The following FBLN1 variants were observed in gnomAD, a reference collection of about 807,000 sequenced individuals.
FBLN1 encodes fibulin 1, also known as fibulin-1.
Under a neutral mutation model 89.7 loss-of-function variants are expected in FBLN1, and 34 were observed. That is an observed-to-expected ratio of 0.38 (90% confidence interval 0.29 to 0.50). FBLN1 has a LOEUF of 0.50. FBLN1 is among the 20% of genes least tolerant of loss of function. The pLI is 0.92. For missense variants in FBLN1, 777 were observed against 988.1 expected, an observed-to-expected ratio of 0.79 and a Z score of 2.86; for synonymous variants, 393 against 391.3, an observed-to-expected ratio of 1.00 and a Z score of -0.05.
chr22:45,535,295 T>G lies in FBLN1; in HGVS notation c.880T>G (p.Cys294Gly). Residue 294 changes from cysteine to glycine, a missense_variant, in exon 8 of 17, where the codon TGC becomes GGC. Cys to Gly is a radical substitution (Grantham distance 159, BLOSUM62 -3). Coordinates refer to ENST00000327858, the MANE Select transcript of FBLN1 (RefSeq NM_006486.3). ...CTTCCGCTGCCGACCCAAGCTACAGTGCAAGAGTGGCTTTATACAAGATGC... is the reference window on the plus strand; with the variant it reads ...CTTCCGCTGCCGACCCAAGCTACAGGGCAAGAGTGGCTTTATACAAGATGC... ...GSFRCRPKLQ[C>G]KSGFIQDALG... 1 of 1,614,126 alleles carries G rather than the reference T, an allele frequency of 6.2e-7. No individual in the cohort carries two copies. The highest frequency in any genetic ancestry group is 8.5e-7 in the Non-Finnish European group (1 of 1,179,974).
chr22:45,534,028 T>A, intron 7 of FBLN1, 130 bp downstream of exon 7: 1 of 1,270,940 alleles, frequency 7.9e-7, no homozygotes, highest in Non-Finnish European at 1.1e-6. Context: ...GACTGCCTGC[T>A]CATCTGCAGG....
At chr22:45,587,431 G>A (rs554320900) in intron 16 of FBLN1, among the ~76,000 whole-genome samples, 2 of 150,484 alleles carry the variant, frequency 1.3e-5, no homozygotes, top group African/African-American at 4.9e-5. Context: ...ATCCATCCCC[G>A]CTGCCCGGCC....
chr22:45,591,216 C>T (rs1165702922), intron 16 of FBLN1, among the ~76,000 whole-genome samples: 3 of 152,170 alleles, frequency 2.0e-5, no homozygotes, highest in African/African-American at 4.8e-5. Context: ...CAGCAACTCA[C>T]GTAACCACAC....
rs1393415106 is a variant in FBLN1, at chr22:45,577,617, C to T, written c.1972+509C>T. ...TGGCCTTGAGCAGTAGTCGTCCCCT[C>T]CCTACGCATCAGTTGGTAAGAGGAC... On this transcript the variant is annotated intron_variant, in intron 16 of 16. Coordinates refer to ENST00000327858, the MANE Select transcript of FBLN1 (RefSeq NM_006486.3). The surrounding 1 kb of genome is among the most constrained non-coding windows in gnomAD (Gnocchi z 6.6). 6.6e-6 allele frequency among the ~76,000 whole-genome samples: 1 copy of T among 152,230 alleles called. No homozygotes were observed. Among genetic ancestry groups the T allele is most frequent in the Admixed American group, 6.5e-5 (1 of 15,290 alleles).
chr22:45,577,141 C>T lies in FBLN1; in HGVS notation c.1972+33C>T. The T allele has an allele frequency of 6.2e-7, 1 of 1,612,154 alleles. No individual in the cohort carries two copies. The highest frequency in any genetic ancestry group is 8.5e-7 in the Non-Finnish European group (1 of 1,179,236). On this transcript the variant is annotated intron_variant, in intron 16 of 16. Transcript: ENST00000327858. The surrounding 1 kb of genome is among the most constrained non-coding windows in gnomAD (Gnocchi z 6.6). ...GCTGGGAATATCAGCTCTATCCAGG[C>T]ACCCCTCCCCCTCCACCCCGAAACC...
chr22:45,534,990 G>T (rs992222212), intron 7 of FBLN1, among the ~76,000 whole-genome samples: 1 of 152,088 alleles, frequency 6.6e-6, no homozygotes, highest in Non-Finnish European at 1.5e-5. Flanking sequence ...AAGAGCCTTG[G>T]GAAAAAAAGT....
Position 45,549,942 on chromosome 22 carries a change from T to A in FBLN1, c.1574-550T>A, listed in dbSNP as rs937188460. On this transcript the variant is annotated intron_variant, in intron 13 of 16. Transcript: ENST00000327858. This position sits in a 1 kb window ranked among gnomAD's most constrained non-coding sequence, Gnocchi z 5.7. Reference sequence around the variant, plus strand: ...TCGAAGGCTGTTTTTCTCATTGTTGTGTGGAGCTAGCAGCTCCTGCCCTTT... The same window carrying A: ...TCGAAGGCTGTTTTTCTCATTGTTGAGTGGAGCTAGCAGCTCCTGCCCTTT... Among the ~76,000 whole-genome samples, 2 of 152,172 alleles carry A rather than the reference T, an allele frequency of 1.3e-5. No homozygotes were observed. The highest frequency in any genetic ancestry group is 4.8e-5 in the African/African-American group (2 of 41,444).
At chr22:45,528,707 G>T (rs1270950807) in intron 4 of FBLN1, among the ~76,000 whole-genome samples, 2 of 151,798 alleles carry the variant, frequency 1.3e-5, no homozygotes, top group Admixed American at 6.6e-5. Flanking sequence ...CTAAATATTT[G>T]AGTACCATAC....
chr22:45,593,091 C>T (rs2089153014), intron 16 of FBLN1, among the ~76,000 whole-genome samples: 1 of 152,032 alleles, frequency 6.6e-6, no homozygotes, highest in South Asian at 2.1e-4. Context: ...GAACTCGAGG[C>T]TGTAACTCTA....
At chr22:45,560,506 C>T (rs189878568) in intron 14 of FBLN1, among the ~76,000 whole-genome samples, 6 of 152,322 alleles carry the variant, frequency 3.9e-5, no homozygotes, top group Admixed American at 2.6e-4. Flanking sequence ...TTCCAGCTTG[C>T]TCACAGTGGG....
At chr22:45,585,867 G>A (rs993502905) in intron 16 of FBLN1, among the ~76,000 whole-genome samples, 2 of 152,128 alleles carry the variant, frequency 1.3e-5, no homozygotes, top group African/African-American at 2.4e-5. Context: ...CCTGTGTGAC[G>A]GCGCGTAGCC....
chr22:45,594,808 G>A (rs765408752), intron 16 of FBLN1, among the ~76,000 whole-genome samples: 21 of 151,846 alleles, frequency 1.4e-4, no homozygotes, highest in Non-Finnish European at 2.4e-4. Context: ...ATGGATGGAT[G>A]GTTGGATCCA....
At chr22:45,535,154 C>G (rs527820999) in intron 7 of FBLN1, 46 bp from the exon 8 acceptor site, 1 of 1,611,804 alleles carries the variant, frequency 6.2e-7, no homozygotes, top group Non-Finnish European at 8.5e-7. Flanking sequence ...TAAGATGCTT[C>G]TGGCAGGACT....
In FBLN1 at chr22:45,532,706, G is replaced by GCTCTTTACGTTCTTATGGTGCAGGCC. The variant is rs1555953727; in HGVS notation, c.545-356_545-355insTCTTTACGTTCTTATGGTGCAGGCCC. 1.3e-5 allele frequency among the ~76,000 whole-genome samples: 2 copies of GCTCTTTACGTTCTTATGGTGCAGGCC among 152,130 alleles called. No individual in the cohort carries two copies. Among genetic ancestry groups the GCTCTTTACGTTCTTATGGTGCAGGCC allele is most frequent in the Non-Finnish European group, 2.9e-5 (2 of 68,008 alleles). ...GTTCAGTGAGGAGCAGGTACATGAG[G>GCTCTTTACGTTCTTATGGTGCAGGCC]CCTAGTTGGGGCCTGGCCTTCCACG... is the stretch of plus-strand genomic sequence containing the variant. On this transcript the variant is annotated intron_variant, in intron 5 of 16. Coordinates refer to ENST00000327858, the MANE Select transcript of FBLN1 (RefSeq NM_006486.3). This position sits in a 1 kb window ranked among gnomAD's most constrained non-coding sequence, Gnocchi z 4.2.
In FBLN1 at chr22:45,596,562, TATG is replaced by T. The variant is rs576806694; in HGVS notation, c.1973-3742_1973-3740del. On this transcript the variant is annotated intron_variant, in intron 16 of 16. Transcript: ENST00000327858. ...ATATATAAATATATCAACATAAGAA[TATG>T]ATAATTATATATACATATATCAACA... is the stretch of plus-strand genomic sequence containing the variant. Among the ~76,000 whole-genome samples, 994 of 128,698 alleles carry T rather than the reference TATG, an allele frequency of 7.7e-3. 8 individuals carry two copies. The highest frequency in any genetic ancestry group is 0.011 in the Non-Finnish European group (697 of 65,752). The allele number at this position is 128,698 out of a possible 152,430, so 84.4% of individuals were successfully genotyped here.
Position 45,563,312 on chromosome 22 carries a change from C to T in FBLN1, c.1698-11199C>T. ...GGTCTCCCTCCTGTTGCTTTCCTAA[C>T]CCTGCCCTCCGGGGCGTTAATAAAG... is the stretch of plus-strand genomic sequence containing the variant. On this transcript the variant is annotated intron_variant, in intron 14 of 16. Coordinates refer to ENST00000327858, the MANE Select transcript of FBLN1 (RefSeq NM_006486.3). This position sits in a 1 kb window ranked among gnomAD's most constrained non-coding sequence, Gnocchi z 5.7. 1 of 1,612,206 alleles carries T rather than the reference C, an allele frequency of 6.2e-7. No individual in the cohort carries two copies. Among genetic ancestry groups the T allele is most frequent in the Non-Finnish European group, 8.5e-7 (1 of 1,179,926 alleles).
chr22:45,550,604 C>T lies in FBLN1; in HGVS notation c.1686C>T (p.Arg562=). 1.2e-6 allele frequency: 2 copies of T among 1,614,118 alleles called. No homozygotes were observed. Among genetic ancestry groups the T allele is most frequent in the South Asian group, 1.1e-5 (1 of 91,080 alleles). Residue 562 remains arginine (R), a synonymous_variant, in exon 14 of 17, where the codon CGC becomes CGT. Coordinates refer to ENST00000327858, the MANE Select transcript of FBLN1 (RefSeq NM_006486.3). The surrounding 1 kb of genome is among the most constrained non-coding windows in gnomAD (Gnocchi z 8.4). ...TCGAGTGCCCTGAGAACTACCGCCG[C>T]TCCGCAGCCACGTAAGTCCCTTGGA... The part of the protein sequence containing the change: ...LAFECPENYR[R]SAATLQQEKT...
Position 45,574,392 on chromosome 22 carries a change from C to A in FBLN1, c.1698-119C>A. 1 of 1,060,688 alleles carries A rather than the reference C, an allele frequency of 9.4e-7. No homozygotes were observed. The highest frequency in any genetic ancestry group is 1.4e-6 in the Non-Finnish European group (1 of 704,958). 65.7% of individuals were successfully genotyped at this position (1,060,688 alleles called of 1,614,324 possible). A position where few individuals can be genotyped will look rare whatever the true frequency, so the allele number is the denominator to read the frequency against. ...AGACCACTGTCGTTCTCTGATGGAGCTGTCTCTGGGACAGATGCCCCTGCC... is the reference window on the plus strand; with the variant it reads ...AGACCACTGTCGTTCTCTGATGGAGATGTCTCTGGGACAGATGCCCCTGCC... On this transcript the variant is annotated intron_variant, in intron 14 of 16. Coordinates refer to ENST00000327858, the MANE Select transcript of FBLN1 (RefSeq NM_006486.3). The surrounding 1 kb of genome is among the most constrained non-coding windows in gnomAD (Gnocchi z 4.1).
At chr22:45,512,985 A>T (rs1226049494) in intron 1 of FBLN1, among the ~76,000 whole-genome samples, 3 of 152,138 alleles carry the variant, frequency 2.0e-5, no homozygotes, top group African/African-American at 7.2e-5. Flanking sequence ...CAAAGTTGCA[A>T]TCTATTTTTT....
Sources: allele counts gnomAD v4.1 joint callset (sites outside exome capture counted in the v4.1 genomes callset), GRCh38; gene constraint gnomAD v4.1.1; non-coding constraint Gnocchi (gnomAD v3.1); transcripts MANE v1.5; gene names NCBI Gene and HGNC (gene_info 2026-07-23, HGNC 2026-07-21).